FLII: variants seen among roughly 807,000 people sequenced by gnomAD.
The protein encoded by FLII is protein flightless-1 homolog.
In FLII, 101 loss-of-function variants were observed where a neutral mutation model predicts 156.2. That is an observed-to-expected ratio of 0.65 (90% CI 0.55 to 0.76). The LOEUF is 0.76. FLII is among the 30% of genes least tolerant of loss of function. The pLI, the probability that FLII is intolerant of heterozygous loss-of-function variation, is 0.00. For synonymous variants in FLII, 767 were observed against 685.8 expected (o/e 1.12, Z -1.85); for missense variants, 1,675 against 1,682.8 (o/e 1.00, Z 0.08).
At chr17:18,256,880 C>CCCT in intron 2 of FLII, 29 bp downstream of exon 2, 1 of 1,481,770 alleles carries the variant, frequency 6.7e-7, no homozygotes, top group African/African-American at 1.4e-5. Flanking sequence ...TCCACAGGGA[C>CCCT]CCTCCCCTGC....
At position 18,247,225 on chromosome 17, in the gene FLII, T is replaced by A; in HGVS notation, c.2620A>T (p.Lys874Ter). The A allele has an allele frequency of 1.3e-6, 2 of 1,596,974 alleles. No homozygotes were observed. ...KRDAEKKDQMKADLTALFLPR... is the reference protein window; with the variant it reads ...KRDAEKKDQM ...AGGAAAAGCGCAGTGAGGTCAGCCT[T>A]CATCTGGTCTTTCTTCTCGGCGTCG... The change falls in exon 21 of 30, where the codon AAG becomes TAG. Residue 874 changes from lysine (K) to a stop codon, truncating the protein, a stop_gained. Transcript: ENST00000327031. LOFTEE classifies it high-confidence loss of function.
chr17:18,250,979 G>T lies in FLII; in HGVS notation c.1635C>A (p.Ile545=). 2 of 1,613,812 alleles carry T rather than the reference G, an allele frequency of 1.2e-6. No homozygotes were observed. The highest frequency in any genetic ancestry group is 1.7e-6 in the Non-Finnish European group (2 of 1,179,886). The change falls in exon 14 of 30, where the codon ATC becomes ATA. Residue 545 remains isoleucine, a synonymous_variant. Transcript: ENST00000327031. ...TGGCCTCCCCGCCAATCCAGTAGTA[G>T]ATCTCCCAGTTGAGGGAGCCGCTGT... ...LDDSGSLNWE[I]YYWIGGEATL...
rs779188753 is a variant in FLII, at chr17:18,246,929, A to G, written c.2800T>C (p.Tyr934His). The stretch of plus-strand genomic sequence containing the variant: ...AGGTGGTACCTGCAGAGGAAGACGT[A>G]GCAGTCCTGCGTGTAGAAGTGGCCA... The part of the protein sequence containing the change: ...EFGHFYTQDC[Y>H]VFLCRYWVPV... The change falls in exon 22 of 30, where the codon TAC becomes CAC. Residue 934 changes from tyrosine (Y) to histidine (H), a missense_variant. Transcript: ENST00000327031. The G allele has an allele frequency of 1.2e-6, 2 of 1,614,180 alleles. No homozygotes were observed. Among genetic ancestry groups the G allele is most frequent in the South Asian group, 1.1e-5 (1 of 91,092 alleles).
chr17:18,250,782 A>C (rs2048237165), intron 14 of FLII, 56 bp downstream of exon 14: 1 of 1,564,312 alleles, frequency 6.4e-7, no homozygotes, highest in Admixed American at 1.7e-5. Context: ...CTGCCCCTGC[A>C]CCAGAGTTCC....
chr17:18,256,390 T>A (rs1567718503), intron 3 of FLII, 136 bp downstream of exon 3: 1 of 675,236 alleles, frequency 1.5e-6, no homozygotes, highest in Non-Finnish European at 2.6e-6. Context: ...GGCCCCTCTG[T>A]GACACCTGAG....
rs779634444 is a variant in FLII at position 18,248,833 on chromosome 17, G to T, written c.1985C>A (p.Ala662Asp). Reference protein sequence around the residue: ...RGLDIYVWRGAQATLSSTTKA... With the variant: ...RGLDIYVWRGDQATLSSTTKA... ...GGTGGTGCTGCTCAGTGTGGCCTGGGCCCCCCGCCATACGTAGATGTCTAG... is the reference window on the plus strand; with the variant it reads ...GGTGGTGCTGCTCAGTGTGGCCTGGTCCCCCCGCCATACGTAGATGTCTAG... The change falls in exon 17 of 30, where the codon GCC becomes GAC. Residue 662 changes from alanine to aspartate, a missense_variant. This residue lies in a region of FLII where 1,332 missense variants were observed against 1,269.3 expected (regional missense o/e 1.05). Coordinates refer to ENST00000327031, the MANE Select transcript of FLII (RefSeq NM_002018.4). 4.3e-6 allele frequency: 7 copies of T among 1,612,072 alleles called. No homozygotes were observed. The Admixed American group carries it at 6.7e-5, about 15-fold the overall frequency.
chr17:18,247,450 T>A, intron 20 of FLII, 93 bp from the exon 21 acceptor site: 2 of 1,296,644 alleles, frequency 1.5e-6, no homozygotes, highest in Non-Finnish European at 2.1e-6. Flanking sequence ...CCAAGGGAGA[T>A]CTAGGGCGGG....
At chr17:18,247,121 C>CG in intron 21 of FLII, 48 bp downstream of exon 21, 1 of 1,398,088 alleles carries the variant, frequency 7.2e-7, no homozygotes, top group Non-Finnish European at 9.4e-7. Context: ...CGCCCTCGGC[C>CG]TGCCCCCCAC....
In FLII at chr17:18,248,418, T is replaced by C. The variant is rs2048155628; in HGVS notation, c.2190+132A>G. 5.1e-6 allele frequency: 4 copies of C among 780,100 alleles called. No individual in the cohort carries two copies. The East Asian group carries it at 1.1e-4, about 21-fold the overall frequency. The allele number at this position is 780,100 out of a possible 1,614,324, so 48.3% of individuals were successfully genotyped here. ...AGACCTTTGCTCATACTGTTCCTTG[T>C]CCAGAAGGTGGCACCCTCTCCCCAC... On this transcript the variant is annotated intron_variant, in intron 18 of 29. Transcript: ENST00000327031.
chr17:18,251,488 A>T lies in FLII; in HGVS notation c.1384-11T>A, dbSNP rs1399703953. 6.3e-6 allele frequency: 10 copies of T among 1,596,464 alleles called. No individual in the cohort carries two copies. The highest frequency in any genetic ancestry group is 8.5e-6 in the Non-Finnish European group (10 of 1,170,536). ...GGCATCTGCGCTCTCCTGGGGGCAG[A>T]GTCACAGAGCACGGCTTGACTCTGT... On this transcript the variant is annotated splice_polypyrimidine_tract_variant and intron_variant, in intron 12 of 29. Coordinates refer to ENST00000327031, the MANE Select transcript of FLII (RefSeq NM_002018.4).
In FLII at chr17:18,258,314, G is replaced by A. The variant is rs2048490150; in HGVS notation, c.63+314C>T. 3.5e-6 allele frequency: 2 copies of A among 575,920 alleles called. No homozygotes were observed. The highest frequency in any genetic ancestry group is 4.0e-5 in the African/African-American group (2 of 50,286). The allele number at this position is 575,920 out of a possible 1,614,324, so 35.7% of individuals were successfully genotyped here. A position where few individuals can be genotyped will look rare whatever the true frequency, so the allele number is the denominator to read the frequency against. The stretch of plus-strand genomic sequence containing the variant: ...TGACCTCAGAGGGGCGGGGAGGCTC[G>A]CCCGATCCCCAGGCCACCATCCAGC... On this transcript the variant is annotated intron_variant, in intron 1 of 29. Transcript: ENST00000327031. This position sits in a 1 kb window ranked among gnomAD's most constrained non-coding sequence, Gnocchi z 4.2.
In FLII at chr17:18,246,928, T is replaced by C; in HGVS notation, c.2801A>G (p.Tyr934Cys). ...EFGHFYTQDC[Y>C]VFLCRYWVPV... is the part of the protein sequence containing the mutation. Reference sequence around the variant, plus strand: ...GAGGTGGTACCTGCAGAGGAAGACGTAGCAGTCCTGCGTGTAGAAGTGGCC... The same window carrying C: ...GAGGTGGTACCTGCAGAGGAAGACGCAGCAGTCCTGCGTGTAGAAGTGGCC... The change falls in exon 22 of 30, where the codon TAC becomes TGC. Residue 934 changes from tyrosine to cysteine, a missense_variant. Around this residue, in one of 2 missense-constraint regions of FLII, gnomAD observed 1,332 missense variants for 1,269.3 expected, o/e 1.05. Coordinates refer to ENST00000327031, the MANE Select transcript of FLII (RefSeq NM_002018.4). 1.2e-6 allele frequency: 2 copies of C among 1,614,174 alleles called. No homozygotes were observed. The highest frequency in any genetic ancestry group is 1.7e-6 in the Non-Finnish European group (2 of 1,180,014).
In FLII at chr17:18,251,381, C is replaced by A; in HGVS notation, c.1480G>T (p.Asp494Tyr). 6.2e-7 allele frequency: 1 copy of A among 1,613,686 alleles called. No individual in the cohort carries two copies. The highest frequency in any genetic ancestry group is 8.5e-7 in the Non-Finnish European group (1 of 1,180,002). Residue 494 changes from aspartate to tyrosine, a missense_variant, in exon 13 of 30, where the codon GAC (aspartate) becomes TAC (tyrosine). Physicochemically the swap from Asp to Tyr is radical, Grantham distance 160 (BLOSUM62 -3). This residue lies in a region of FLII where 1,332 missense variants were observed against 1,269.3 expected (regional missense o/e 1.05). Coordinates refer to ENST00000327031, the MANE Select transcript of FLII (RefSeq NM_002018.4). ...RLDYSEFFTE[D>Y]VGQLPGLTIW... ...GTCAGTCCGGGCAGCTGGCCCACGT[C>A]CTCCGTGAAGAACTCGGAGTAGTCA...
chr17:18,254,775 T>C lies in FLII; in HGVS notation c.407A>G (p.His136Arg), dbSNP rs779208520. The C allele has an allele frequency of 1.9e-6, 3 of 1,613,982 alleles. No individual in the cohort carries two copies. The South Asian group carries it at 3.3e-5, about 18-fold the overall frequency. ...CCCCCCACTGGCCTGGCACCTGTTG[T>C]GGCTGAGGTTCAGCACCAGCATGTT... ...AKNMLVLNLS[H>R]NSIDTIPNQL... is the part of the protein sequence containing the mutation. Residue 136 changes from histidine (H) to arginine (R), a missense_variant, in exon 5 of 30, where the codon CAC (histidine) becomes CGC (arginine). This residue lies in a region of FLII where 343 missense variants were observed against 413.5 expected (regional missense o/e 0.83). Transcript: ENST00000327031.
chr17:18,247,523 G>A (rs1189857545), intron 20 of FLII, 134 bp downstream of exon 20: 5 of 1,058,564 alleles, frequency 4.7e-6, no homozygotes, highest in South Asian at 3.2e-5. Context: ...CAGAGGGGGC[G>A]GGGCCTGGGC....
At position 18,254,193 on chromosome 17, in the gene FLII, G is replaced by A. The variant is rs755642491; in HGVS notation, c.576-11C>T. The A allele has an allele frequency of 1.3e-6, 2 of 1,596,386 alleles. No individual in the cohort carries two copies. The highest frequency in any genetic ancestry group is 2.2e-5 in the South Asian group (2 of 89,362). ...ATCGCTGGGAGCTGCCTGCCAGGGT[G>A]ACGTGAGTGGTCAGGGCCAGGGCCC... On this transcript the variant is annotated splice_polypyrimidine_tract_variant and intron_variant, in intron 6 of 29. Coordinates refer to ENST00000327031, the MANE Select transcript of FLII (RefSeq NM_002018.4).
Position 18,258,517 on chromosome 17 carries a change from C to A in FLII, c.63+111G>T. On this transcript the variant is annotated intron_variant, in intron 1 of 29. Coordinates refer to ENST00000327031, the MANE Select transcript of FLII (RefSeq NM_002018.4). The surrounding 1 kb of genome is among the most constrained non-coding windows in gnomAD (Gnocchi z 4.2). ...AGCCCCACCCCGCCCCGGCCGCAGT[C>A]CCTGGGACACGCAGGGCCTGGAGCC... 2 of 1,510,306 alleles carry A rather than the reference C, an allele frequency of 1.3e-6. No homozygotes were observed. The highest frequency in any genetic ancestry group is 1.8e-6 in the Non-Finnish European group (2 of 1,136,146). The allele number at this position is 1,510,306 out of a possible 1,614,324, so 93.6% of individuals were successfully genotyped here.
rs777756720 is a variant in FLII at position 18,255,280 on chromosome 17, A to T, written c.247-17T>A. On this transcript the variant is annotated splice_polypyrimidine_tract_variant and intron_variant, in intron 3 of 29. Coordinates refer to ENST00000327031, the MANE Select transcript of FLII (RefSeq NM_002018.4). ...CACGATGGCCTGGGAATAAACCATA[A>T]GAGTCTATAATTCCTGGCTTCCACT... 1.9e-6 allele frequency: 3 copies of T among 1,605,078 alleles called. No individual in the cohort carries two copies. The highest frequency in any genetic ancestry group is 2.6e-6 in the Non-Finnish European group (3 of 1,172,380).
chr17:18,249,214 C>A lies in FLII; in HGVS notation c.1860-13G>T, dbSNP rs778039436. 2 of 1,614,134 alleles carry A rather than the reference C, an allele frequency of 1.2e-6. No homozygotes were observed. The highest frequency in any genetic ancestry group is 3.3e-5 in the Admixed American group (2 of 60,026). ...CACACGATACATCCTGGGCGCAGGG[C>A]AAGAGTGGCTCAGTGTAGGCACCAA... is the stretch of plus-strand genomic sequence containing the variant. On this transcript the variant is annotated splice_polypyrimidine_tract_variant and intron_variant, in intron 15 of 29. Transcript: ENST00000327031.
Sources: allele counts gnomAD v4.1 joint callset, GRCh38; gene constraint gnomAD v4.1.1; regional missense constraint gnomAD v4.1.1; non-coding constraint Gnocchi (gnomAD v3.1); transcripts MANE v1.5; gene names NCBI Gene and HGNC (gene_info 2026-07-23, HGNC 2026-07-21).